DYNLT5: variants seen among roughly 807,000 people sequenced by gnomAD.
DYNLT5 encodes the protein dynein light chain Tctex-type 5.
DYNLT5 carries 25 observed loss-of-function variants against 19.3 expected under a neutral mutation model. The observed-to-expected ratio is 1.30, with a 90% CI of 0.95 to 1.81. The LOEUF (loss-of-function observed/expected upper bound fraction) is 1.81. Among genes scored for constraint, DYNLT5 ranks in the 40% most tolerant of loss-of-function variants. The pLI, the probability that DYNLT5 is intolerant of heterozygous loss-of-function variation, is 0.00. For missense variants in DYNLT5, 232 were observed against 217.9 expected, an observed-to-expected ratio of 1.06 and a Z score of -0.41; for synonymous variants, 82 against 68.9, an observed-to-expected ratio of 1.19 and a Z score of -0.94.
intron 2 of DYNLT5, among the ~76,000 whole-genome samples, chr1:66,764,131 T>C (rs2094650489): frequency 6.6e-6 from 1 of 152,086 alleles, no homozygotes; most frequent in African/African-American, 2.4e-5. Context: ...GAAGATGCAG[T>C]GAGCCAAGAT....
chr1:66,752,583 A>T lies in DYNLT5; in HGVS notation c.-5A>T. ...GCTCCGGGCGAAGCCTCCCTGCTGC[A>T]GGTAGGGTCGCCTCTCTCTGCAGCG... On this transcript the variant is annotated splice_region_variant and 5_prime_UTR_variant, in exon 1 of 5. Transcript: ENST00000282670. 1.0e-6 allele frequency: 1 copy of T among 985,488 alleles called. No individual in the cohort carries two copies. Among genetic ancestry groups the T allele is most frequent in the Non-Finnish European group, 1.2e-6 (1 of 829,944 alleles). The allele number at this position is 985,488 out of a possible 1,614,324, so 61.0% of individuals were successfully genotyped here. A position where few individuals can be genotyped will look rare whatever the true frequency, so the allele number is the denominator to read the frequency against.
At chr1:66,776,551 G>T in intron 4 of DYNLT5, 148 bp downstream of exon 4, 1 of 643,322 alleles carries the variant, frequency 1.6e-6, no homozygotes, top group South Asian at 3.5e-5. Flanking sequence ...ACATATATGT[G>T]TGTGTGTGGG....
At chr1:66,759,940 T>A (rs1335704325) in intron 2 of DYNLT5, among the ~76,000 whole-genome samples, 2 of 152,178 alleles carry the variant, frequency 1.3e-5, no homozygotes, top group African/African-American at 4.8e-5. Flanking sequence ...GCTACTTGTC[T>A]CTATGCATTT....
At chr1:66,775,390 A>G (rs1645228443) in intron 3 of DYNLT5, 1 of 152,254 alleles carries the variant, frequency 6.6e-6, no homozygotes, top group Non-Finnish European at 1.5e-5. Context: ...ACGGCTTAAT[A>G]AAAAGTATTC....
At chr1:66,771,572 TGGCAGGATC>T (rs1645204652) in intron 3 of DYNLT5, among the ~76,000 whole-genome samples, 1 of 152,248 alleles carries the variant, frequency 6.6e-6, no homozygotes, top group Admixed American at 6.5e-5. Context: ...GTAGGGGCTC[TGGCAGGATC>T]TGCCACCTTG....
In DYNLT5 at chr1:66,777,699, A is replaced by G; in HGVS notation, c.*245A>G. On this transcript the variant is annotated 3_prime_UTR_variant, in exon 5 of 5. Transcript: ENST00000282670. ...TTTTGCTGGATTGCTTTCCATAGAC[A>G]TAGATTCTTATTAAATATTTGTTTT... The G allele has an allele frequency of 3.0e-6, 1 of 331,886 alleles. No homozygotes were observed. Among genetic ancestry groups the G allele is most frequent in the Non-Finnish European group, 5.5e-6 (1 of 182,306 alleles). The allele number at this position is 331,886 out of a possible 1,614,324, so 20.6% of individuals were successfully genotyped here.
chr1:66,776,962 T>C (rs1041974341), intron 4 of DYNLT5, among the ~76,000 whole-genome samples: 1 of 152,234 alleles, frequency 6.6e-6, no homozygotes, highest in African/African-American at 2.4e-5. Flanking sequence ...CATCTTAACA[T>C]AAATTTTCAA....
intron 2 of DYNLT5, among the ~76,000 whole-genome samples, chr1:66,767,334 AACCTCT>A (rs1188854634): frequency 6.6e-6 from 1 of 152,162 alleles, no homozygotes; most frequent in Non-Finnish European, 1.5e-5. Context: ...AGCTCACTGC[AACCTCT>A]ACCTTCCTTT....
chr1:66,754,945 A>G (rs2094633578), intron 2 of DYNLT5, among the ~76,000 whole-genome samples, 168 bp downstream of exon 2: 1 of 152,208 alleles, frequency 6.6e-6, no homozygotes. Context: ...GAAAGAGAGA[A>G]AGCTTAAGTG....
At chr1:66,771,252 C>T (rs1433875827) in intron 3 of DYNLT5, among the ~76,000 whole-genome samples, 2 of 152,218 alleles carry the variant, frequency 1.3e-5, no homozygotes, top group African/African-American at 2.4e-5. Flanking sequence ...ATGGATTACA[C>T]GGCTCCATAA....
intron 4 of DYNLT5, among the ~76,000 whole-genome samples, chr1:66,776,847 A>G (rs1311087572): frequency 6.6e-6 from 1 of 152,180 alleles, no homozygotes; most frequent in African/African-American, 2.4e-5. Flanking sequence ...TCTTTAATAA[A>G]CATTAATGAT....
chr1:66,773,848 G>A (rs1017987806), intron 3 of DYNLT5, among the ~76,000 whole-genome samples: 4 of 151,838 alleles, frequency 2.6e-5, no homozygotes, highest in East Asian at 1.9e-4. Flanking sequence ...AAAAAATCTC[G>A]AGAAAGAAGA....
At chr1:66,772,013 G>C (rs1645206928) in intron 3 of DYNLT5, among the ~76,000 whole-genome samples, 1 of 152,018 alleles carries the variant, frequency 6.6e-6, no homozygotes, top group Non-Finnish European at 1.5e-5. Context: ...TTTTATGCTT[G>C]ACAATTCCCT....
At chr1:66,775,708 T>C (rs1239775667) in intron 3 of DYNLT5, 1 of 152,232 alleles carries the variant, frequency 6.6e-6, no homozygotes, top group Non-Finnish European at 1.5e-5. Context: ...TGAGATGGTC[T>C]TGAAACATGA....
chr1:66,766,871 T>A (rs1390972592), intron 2 of DYNLT5, among the ~76,000 whole-genome samples: 1 of 152,200 alleles, frequency 6.6e-6, no homozygotes, highest in Non-Finnish European at 1.5e-5. Flanking sequence ...CTAATTATTT[T>A]ACCTCTGCAT....
intron 2 of DYNLT5, among the ~76,000 whole-genome samples, chr1:66,764,032 A>G (rs2150863085): frequency 6.6e-6 from 1 of 152,140 alleles, no homozygotes; most frequent in East Asian, 1.9e-4. Context: ...AAAAAATTAA[A>G]ACAAAATTAG....
At chr1:66,754,022 A>T (rs184886784) in intron 1 of DYNLT5, among the ~76,000 whole-genome samples, 1 of 152,026 alleles carries the variant, frequency 6.6e-6, no homozygotes, top group East Asian at 1.9e-4. Flanking sequence ...CTGAAGCAGG[A>T]TTGCTTGATC....
At chr1:66,768,384 G>A (rs780734409) in intron 2 of DYNLT5, among the ~76,000 whole-genome samples, 10 of 152,076 alleles carry the variant, frequency 6.6e-5, no homozygotes, top group Non-Finnish European at 1.2e-4. Flanking sequence ...TTTTGAATTT[G>A]TAAAATGAGC....
chr1:66,776,442 G>T, intron 4 of DYNLT5, 39 bp downstream of exon 4: 1 of 1,559,868 alleles, frequency 6.4e-7, no homozygotes, highest in South Asian at 1.2e-5. Context: ...ACAATAGCTA[G>T]AATATTTGCT....
Sources: gnomAD v4.1 joint callset for allele counts (sites outside exome capture counted in the v4.1 genomes callset) on GRCh38, gnomAD v4.1.1 for gene constraint, MANE v1.5 for transcripts, NCBI Gene and HGNC (gene_info 2026-07-23, HGNC 2026-07-21) for gene names.